PCM1: variants seen among roughly 807,000 people sequenced by gnomAD.
PCM1 encodes pericentriolar material 1 protein.
PCM1 carries 157 observed loss-of-function variants against 241.9 expected under a neutral mutation model. The observed-to-expected ratio is 0.65, with a 90% CI of 0.57 to 0.74. PCM1 has a LOEUF of 0.74. Among genes scored for constraint, PCM1 ranks in the 30% least tolerant of loss-of-function variants. The pLI is 0.00. For missense variants in PCM1, 3,478 were observed against 2,360.1 expected, an observed-to-expected ratio of 1.47 and a Z score of -9.81; for synonymous variants, 1,085 against 784.9, an observed-to-expected ratio of 1.38 and a Z score of -6.39.
intron 29 of PCM1, among the ~76,000 whole-genome samples, chr8:17,999,177 A>C (rs564706127): frequency 5.3e-5 from 8 of 152,004 alleles, no homozygotes; most frequent in Non-Finnish European, 8.8e-5. Flanking sequence ...GGTGCAAGAC[A>C]AAGTCCCCTT....
rs1456230882 is a variant in PCM1 at position 18,025,540 on chromosome 8, A to G, written c.5935-4A>G. On this transcript the variant is annotated splice_polypyrimidine_tract_variant and splice_region_variant and intron_variant, in intron 37 of 38. Coordinates refer to ENST00000325083, the MANE Select transcript of PCM1 (RefSeq NM_006197.4). ...GATTTGTATTTTTAATTTTCATTCCAAAGGCAGATCTAAGAAAGAAAATGG... is the reference window on the plus strand; with the variant it reads ...GATTTGTATTTTTAATTTTCATTCCGAAGGCAGATCTAAGAAAGAAAATGG... 2.6e-5 allele frequency: 40 copies of G among 1,561,852 alleles called. No homozygotes were observed. Among genetic ancestry groups the G allele is most frequent in the Non-Finnish European group, 3.5e-5 (40 of 1,144,528 alleles).
At chr8:18,017,427 T>A (rs1012072655) in intron 36 of PCM1, among the ~76,000 whole-genome samples, 1 of 152,152 alleles carries the variant, frequency 6.6e-6, no homozygotes, top group Non-Finnish European at 1.5e-5. Context: ...AGCTGAACAT[T>A]TTGAGAGAAC....
At chr8:18,026,147 G>C (rs1239791622) in intron 38 of PCM1, among the ~76,000 whole-genome samples, 1 of 105,166 alleles carries the variant, frequency 9.5e-6, no homozygotes, top group African/African-American at 4.0e-5. Context: ...CTGGGTGAAA[G>C]AGCGAGACTC....
chr8:17,972,698 A>G lies in PCM1; in HGVS notation c.3943+11A>G. 6.8e-7 allele frequency: 1 copy of G among 1,459,996 alleles called. No homozygotes were observed. Among genetic ancestry groups the G allele is most frequent in the Non-Finnish European group, 9.2e-7 (1 of 1,092,866 alleles). The allele number at this position is 1,459,996 out of a possible 1,614,324, so 90.4% of individuals were successfully genotyped here. A position where few individuals can be genotyped will look rare whatever the true frequency, so the allele number is the denominator to read the frequency against. On this transcript the variant is annotated intron_variant, in intron 23 of 38. Transcript: ENST00000325083. ...GAGTTAAAAACATCAGTAAGTGTTG[A>G]AATTTGTTGAATGTTGATCAGTGTA... is the stretch of plus-strand genomic sequence containing the variant.
chr8:18,005,295 G>A (rs1187463786), intron 29 of PCM1, among the ~76,000 whole-genome samples: 3 of 151,242 alleles, frequency 2.0e-5, no homozygotes, highest in Non-Finnish European at 2.9e-5. Flanking sequence ...ATTTATATAC[G>A]TATCTGACTC....
At chr8:17,980,110 C>G (rs766866549) in intron 23 of PCM1, 49 of 149,528 alleles carry the variant, frequency 3.3e-4, no homozygotes, top group African/African-American at 1.2e-3. Context: ...ATTTTAAAAA[C>G]TTGAAAATTT....
intron 13 of PCM1, among the ~76,000 whole-genome samples, chr8:17,959,781 T>G (rs894476515): frequency 7.2e-5 from 11 of 152,186 alleles, no homozygotes; most frequent in African/African-American, 2.4e-4. Flanking sequence ...ATTGGCCTTT[T>G]CCAAATTTCC....
At chr8:17,982,667 TG>T (rs1349202906) in intron 24 of PCM1, 10 of 152,132 alleles carry the variant, frequency 6.6e-5, no homozygotes, top group African/African-American at 2.4e-4. Flanking sequence ...GCTAATTTTT[TG>T]TATTTTTAGT....
At position 18,028,026 on chromosome 8, in the gene PCM1, T is replaced by TAA. The variant is rs2094349040; in HGVS notation, c.*365_*366dup. 1 of 232,872 alleles carries TAA rather than the reference T, an allele frequency of 4.3e-6. No homozygotes were observed. The highest frequency in any genetic ancestry group is 8.4e-6 in the Non-Finnish European group (1 of 118,740). The allele number at this position is 232,872 out of a possible 1,614,324, so 14.4% of individuals were successfully genotyped here. A position where few individuals can be genotyped will look rare whatever the true frequency, so the allele number is the denominator to read the frequency against. On this transcript the variant is annotated 3_prime_UTR_variant, in exon 39 of 39. Transcript: ENST00000325083. ...CTATACAGCAAGTCAATGTTTTATA[T>TAA]AACTTTAGGCTGCTCAGAGAAGAGC... is the stretch of plus-strand genomic sequence containing the variant.
chr8:17,955,867 A>C (rs773826651), intron 10 of PCM1: 2 of 560,484 alleles, frequency 3.6e-6, no homozygotes, highest in Non-Finnish European at 6.4e-6. Flanking sequence ...AACTGATGTT[A>C]CTTTCTTGTT....
chr8:17,983,071 TC>T (rs748306295), intron 24 of PCM1, among the ~76,000 whole-genome samples: 21 of 152,214 alleles, frequency 1.4e-4, no homozygotes, highest in African/African-American at 2.4e-4. Flanking sequence ...AGATTTTTTT[TC>T]TTGAGATTAT....
At chr8:18,025,337 T>A in intron 36 of PCM1, 24 bp from the exon 37 acceptor site, 1 of 704,974 alleles carries the variant, frequency 1.4e-6, no homozygotes, top group Non-Finnish European at 2.1e-6. Context: ...AGAGTATGTA[T>A]TTTTTTTTTT....
At chr8:17,966,254 T>A in intron 19 of PCM1, 36 bp downstream of exon 19, 1 of 1,608,802 alleles carries the variant, frequency 6.2e-7, no homozygotes, top group South Asian at 1.1e-5. Context: ...TTTCGTCTAT[T>A]TTTATAACTT....
chr8:18,000,317 T>C (rs1406102190), intron 29 of PCM1, among the ~76,000 whole-genome samples: 1 of 152,194 alleles, frequency 6.6e-6, no homozygotes, highest in Admixed American at 6.5e-5. Flanking sequence ...GTTAGAAGTT[T>C]GGACTTTGCT....
chr8:18,024,980 G>A (rs1039070685), intron 36 of PCM1: 1 of 159,372 alleles, frequency 6.3e-6, no homozygotes, highest in African/African-American at 2.4e-5. Flanking sequence ...AGCCCCATCA[G>A]AGTTGATACA....
intron 36 of PCM1, among the ~76,000 whole-genome samples, chr8:18,023,282 A>G (rs925284071): frequency 1.3e-5 from 2 of 152,226 alleles, no homozygotes; most frequent in African/African-American, 4.8e-5. Context: ...TTGTTTGTAC[A>G]TGAAGTGATC....
chr8:17,980,335 T>C, intron 23 of PCM1: 1 of 290,176 alleles, frequency 3.4e-6, no homozygotes, highest in South Asian at 1.5e-4. Context: ...GTCTGCCATA[T>C]ACTTCGAATT....
chr8:17,965,858 T>G (rs956072959), intron 18 of PCM1, 141 bp from the exon 19 acceptor site: 2 of 583,604 alleles, frequency 3.4e-6, no homozygotes, highest in Non-Finnish European at 6.0e-6. Flanking sequence ...TTCTCCCCCC[T>G]CTATATTTTT....
chr8:17,992,734 A>G (rs2085196035), intron 28 of PCM1, among the ~76,000 whole-genome samples: 1 of 151,124 alleles, frequency 6.6e-6, no homozygotes, highest in African/African-American at 2.4e-5. Context: ...CTCATGCCTC[A>G]GCCTCCCGAG....
Sources: gnomAD v4.1 joint callset for allele counts (sites outside exome capture counted in the v4.1 genomes callset) on GRCh38, gnomAD v4.1.1 for gene constraint, MANE v1.5 for transcripts, NCBI Gene and HGNC (gene_info 2026-07-23, HGNC 2026-07-21) for gene names.